Variants in TSPAN15 observed in about 807,000 individuals in gnomAD.
TSPAN15 encodes tetraspanin-15.
TSPAN15 carries 20 observed loss-of-function variants against 34.5 expected under a neutral mutation model. The ratio of observed to expected loss-of-function variants is 0.58; its 90% CI spans 0.41 to 0.84. The LOEUF (loss-of-function observed/expected upper bound fraction) is 0.84. Ranked by LOEUF, TSPAN15 falls within the 40% of genes least tolerant of loss-of-function variation. TSPAN15 has a pLI of 0.00. For missense variants in TSPAN15, 313 were observed against 386.1 expected, an observed-to-expected ratio of 0.81 and a Z score of 1.59; for synonymous variants, 155 against 153.9, an observed-to-expected ratio of 1.01 and a Z score of -0.05.
rs1374527412 is a variant in TSPAN15 at position 69,483,755 on chromosome 10, C to G, written c.161C>G (p.Thr54Ser). The G allele has an allele frequency of 1.2e-6, 2 of 1,614,074 alleles. No individual in the cohort carries two copies. The highest frequency in any genetic ancestry group is 1.7e-6 in the Non-Finnish European group (2 of 1,180,042). ...GAGGTTGAGCGGCAGAAATATAAAA[C>G]CCTTGAAAGTGCCTTCCTGGCTCCA... is the stretch of plus-strand genomic sequence containing the variant. ...YAEVERQKYK[T>S]LESAFLAPAI... Residue 54 changes from threonine to serine, a missense_variant, in exon 2 of 8, where the codon ACC becomes AGC. By Grantham distance (58) the Thr-to-Ser change is moderately conservative (BLOSUM62 1). Coordinates refer to ENST00000373290, the MANE Select transcript of TSPAN15 (RefSeq NM_012339.5).
At chr10:69,453,460 G>A (rs1339005611) in intron 1 of TSPAN15, among the ~76,000 whole-genome samples, 1 of 152,176 alleles carries the variant, frequency 6.6e-6, no homozygotes, top group East Asian at 1.9e-4. Context: ...GTAAATCAGA[G>A]TTGAAAGAGC....
chr10:69,486,253 C>T (rs191843466), intron 3 of TSPAN15, among the ~76,000 whole-genome samples: 88 of 152,250 alleles, frequency 5.8e-4, no homozygotes, highest in Admixed American at 3.3e-3. Context: ...TCCTTGTCCT[C>T]ATCCTGCATT....
At chr10:69,508,018 C>G (rs1248718987), downstream of TSPAN15, among the ~76,000 whole-genome samples, 1 of 152,168 alleles carries the variant, frequency 6.6e-6, no homozygotes, top group Non-Finnish European at 1.5e-5. Flanking sequence ...GCAACGCATG[C>G]AGAGCGTGGT....
At chr10:69,495,348 T>G in intron 3 of TSPAN15, 12 of 450,620 alleles carry the variant, frequency 2.7e-5, no homozygotes, top group South Asian at 5.5e-5. Context: ...GGGAGTGGAG[T>G]GAATTACTCC....
At chr10:69,452,907 G>A (rs1294349225) in intron 1 of TSPAN15, among the ~76,000 whole-genome samples, 2 of 152,186 alleles carry the variant, frequency 1.3e-5, no homozygotes, top group Non-Finnish European at 2.9e-5. Flanking sequence ...AGGAGCTGCT[G>A]GATTTGCCAT....
chr10:69,494,759 C>T (rs577523594), intron 3 of TSPAN15: 1 of 985,414 alleles, frequency 1.0e-6, no homozygotes, highest in East Asian at 1.1e-4. Flanking sequence ...CCGAGAATGC[C>T]CCCTTCGTCC....
intron 3 of TSPAN15, among the ~76,000 whole-genome samples, chr10:69,488,259 G>C (rs1373334752): frequency 6.6e-6 from 1 of 152,108 alleles, no homozygotes; most frequent in Non-Finnish European, 1.5e-5. Flanking sequence ...TGTAAAACAG[G>C]AGTCAGGCCA....
chr10:69,538,522 C>T, the TSPAN15 span, among the ~76,000 whole-genome samples: 1 of 152,252 alleles, frequency 6.6e-6, no homozygotes, highest in Admixed American at 6.5e-5. Flanking sequence ...AGTCCCTTAA[C>T]TTCTTGATGC....
At chr10:69,494,066 T>C (rs1157663634) in intron 3 of TSPAN15, among the ~76,000 whole-genome samples, 5 of 152,144 alleles carry the variant, frequency 3.3e-5, no homozygotes, top group African/African-American at 1.2e-4. Context: ...TTAAAGTGTG[T>C]CAGGCTGGGA....
intron 2 of TSPAN15, among the ~76,000 whole-genome samples, chr10:69,484,545 AC>A (rs1242237525): frequency 6.6e-6 from 1 of 152,026 alleles, no homozygotes; most frequent in Non-Finnish European, 1.5e-5. Flanking sequence ...GTGTCTCTTG[AC>A]CTCATTGTCT....
chr10:69,491,435 C>T (rs1411143312), intron 3 of TSPAN15, among the ~76,000 whole-genome samples: 2 of 152,196 alleles, frequency 1.3e-5, no homozygotes. Flanking sequence ...GCAATCACAG[C>T]TCATTGCAGC....
the TSPAN15 span, among the ~76,000 whole-genome samples, chr10:69,520,212 TC>T: frequency 6.6e-6 from 1 of 152,238 alleles, no homozygotes; most frequent in Admixed American, 6.5e-5. Flanking sequence ...TATTCTATTT[TC>T]TGTCTCTATG....
chr10:69,521,866 C>T, the TSPAN15 span, among the ~76,000 whole-genome samples: 6 of 147,250 alleles, frequency 4.1e-5, no homozygotes, highest in African/African-American at 1.2e-4. Context: ...TGACATTAAC[C>T]GATTCCTGTA....
At chr10:69,533,492 C>A in the TSPAN15 span, among the ~76,000 whole-genome samples, 28,750 of 152,012 alleles carry the variant, frequency 0.19, 2,985 homozygotes, top group East Asian at 0.29. Context: ...AAGAATGATA[C>A]AATGGACTTT....
the TSPAN15 span, among the ~76,000 whole-genome samples, chr10:69,522,222 T>A: frequency 2.8e-5 from 4 of 144,506 alleles, 1 homozygote; most frequent in Admixed American, 1.5e-4. Context: ...ATTAGCTGGG[T>A]GTGGTGGCAA....
chr10:69,478,228 TGGGCCTCGGGACAGA>T (rs1328484665), intron 1 of TSPAN15, among the ~76,000 whole-genome samples: 1 of 152,174 alleles, frequency 6.6e-6, no homozygotes, highest in African/African-American at 2.4e-5. Context: ...CCAGGCAGGA[TGGGCCTCGGGACAGA>T]GGGCCTTGGG....
intron 4 of TSPAN15, among the ~76,000 whole-genome samples, chr10:69,496,323 T>C (rs949831090): frequency 4.2e-5 from 1 of 23,744 alleles, no homozygotes; most frequent in African/African-American, 1.2e-4. Context: ...GTTGGTGCAA[T>C]AATAATAATA....
intron 1 of TSPAN15, among the ~76,000 whole-genome samples, chr10:69,470,267 T>C (rs575471691): frequency 6.6e-6 from 1 of 152,308 alleles, no homozygotes; most frequent in East Asian, 1.9e-4. Context: ...TTAGGGGGTG[T>C]GTGCTATCTG....
the TSPAN15 span, among the ~76,000 whole-genome samples, chr10:69,547,744 G>C: frequency 6.6e-6 from 1 of 152,160 alleles, no homozygotes; most frequent in South Asian, 2.1e-4. Context: ...GCTGACCTTA[G>C]AGACTCCAAG....
Sources: allele counts gnomAD v4.1 joint callset (sites outside exome capture counted in the v4.1 genomes callset), GRCh38; gene constraint gnomAD v4.1.1; transcripts MANE v1.5; gene names NCBI Gene and HGNC (gene_info 2026-07-23, HGNC 2026-07-21).